Variants in BNIP2 observed in about 807,000 individuals in gnomAD.
The protein encoded by BNIP2 is BCL2/adenovirus E1B 19 kDa protein-interacting protein 2.
A neutral mutation model predicts 43.4 loss-of-function variants in BNIP2; 36 were observed. That is an observed-to-expected ratio of 0.83 (90% CI 0.64 to 1.10). The LOEUF (loss-of-function observed/expected upper bound fraction) is 1.10. Among genes scored for constraint, BNIP2 ranks in the 50% least tolerant of loss-of-function variants. BNIP2 has a pLI of 0.00. For missense variants in BNIP2, 417 were observed against 374.1 expected, an observed-to-expected ratio of 1.11 and a Z score of -0.95; for synonymous variants, 146 against 121.0, an observed-to-expected ratio of 1.21 and a Z score of -1.35.
At position 59,689,146 on chromosome 15, in the gene BNIP2, C is replaced by G; in HGVS notation, c.-69G>C. On this transcript the variant is annotated 5_prime_UTR_variant, in exon 1 of 10. Coordinates refer to ENST00000607373, the MANE Select transcript of BNIP2 (RefSeq NM_004330.4). ...CAGGCCGCACTCACCCCGGAGGAAG[C>G]CTTGGCCCCCTCGTCCTCTTCGCCC... 1 of 1,537,300 alleles carries G rather than the reference C, an allele frequency of 6.5e-7. No individual in the cohort carries two copies.
intron 5 of BNIP2, chr15:59,676,957 T>G (rs1480780311): frequency 6.2e-7 from 1 of 1,613,174 alleles, no homozygotes; most frequent in Non-Finnish European, 8.5e-7. Context: ...TCCTCTCTGC[T>G]GCCATCTTCA....
At position 59,679,434 on chromosome 15, in the gene BNIP2, A is replaced by C. The variant is rs117184257; in HGVS notation, c.295+158T>G. 5.0e-6 allele frequency: 4 copies of C among 792,416 alleles called. No homozygotes were observed. In the East Asian group the frequency reaches 1.2e-4, roughly 24 times the overall value. The allele number at this position is 792,416 out of a possible 1,614,324, so 49.1% of individuals were successfully genotyped here. On this transcript the variant is annotated intron_variant, in intron 4 of 9. Transcript: ENST00000607373. ...AAGAGGGGAAAAAAGCCACTGGTGT[A>C]CTCTATACACACTTTTTAAGTCCTT...
At chr15:59,673,721 G>A (rs909960920) in intron 5 of BNIP2, among the ~76,000 whole-genome samples, 1 of 152,186 alleles carries the variant, frequency 6.6e-6, no homozygotes, top group Non-Finnish European at 1.5e-5. Flanking sequence ...CATCGCCAGA[G>A]CCATAAGTGG....
Position 59,664,078 on chromosome 15 carries a change from A to AT in BNIP2, c.935dup (p.Asn312LysfsTer2). 6.5e-7 allele frequency: 1 copy of AT among 1,549,418 alleles called. No individual in the cohort carries two copies. The highest frequency in any genetic ancestry group is 8.7e-7 in the Non-Finnish European group (1 of 1,145,040). On this transcript the variant is annotated frameshift_variant, in exon 10 of 10. Transcript: ENST00000607373. LOFTEE classifies it high-confidence loss of function. The stretch of plus-strand genomic sequence containing the variant: ...GGACTAGATGCCAAACTTACTGTTC[A>AT]TTTTTCGGTTCATCTTGTTTTCCAT...
intron 1 of BNIP2, among the ~76,000 whole-genome samples, chr15:59,684,340 A>G (rs1367789252): frequency 6.6e-6 from 1 of 152,236 alleles, no homozygotes; most frequent in Non-Finnish European, 1.5e-5. Flanking sequence ...TTCTCTGGGA[A>G]AACAATGATC....
chr15:59,685,757 C>G (rs894580326), intron 1 of BNIP2, among the ~76,000 whole-genome samples: 3 of 152,114 alleles, frequency 2.0e-5, no homozygotes, highest in Non-Finnish European at 2.9e-5. Flanking sequence ...GGGAAAAGTA[C>G]ACTAGGTAGA....
chr15:59,685,182 T>C (rs371678354), intron 1 of BNIP2, among the ~76,000 whole-genome samples: 1 of 152,180 alleles, frequency 6.6e-6, no homozygotes, highest in East Asian at 1.9e-4. Context: ...GCTTAACCAA[T>C]GGAACAAGTT....
rs572341991 is a variant in BNIP2 at position 59,662,173 on chromosome 15, C to G, written c.*1896G>C. 34 of 152,178 alleles carry G rather than the reference C, an allele frequency of 2.2e-4. No homozygotes were observed. The highest frequency in any genetic ancestry group is 8.2e-4 in the African/African-American group (34 of 41,516). The allele number at this position is 152,178 out of a possible 1,614,324, so 9.4% of individuals were successfully genotyped here. A position where few individuals can be genotyped will look rare whatever the true frequency, so the allele number is the denominator to read the frequency against. ...AGTACTTAATGTGGTAGAAAACCAC[C>G]TATTAAAAACCTCAGCCCATTTTGA... On this transcript the variant is annotated 3_prime_UTR_variant, in exon 10 of 10. Transcript: ENST00000607373.
Position 59,664,128 on chromosome 15 carries a change from A to G in BNIP2, c.894-8T>C. ...TTAAGTTCTTGATCAACTCTGTTTA[A>G]TGAAGAATATATAAAATAAGAAACC... On this transcript the variant is annotated splice_polypyrimidine_tract_variant and splice_region_variant and intron_variant, in intron 9 of 9. Transcript: ENST00000607373. 1 of 1,506,074 alleles carries G rather than the reference A, an allele frequency of 6.6e-7. No homozygotes were observed. The highest frequency in any genetic ancestry group is 9.0e-7 in the Non-Finnish European group (1 of 1,115,320). The allele number at this position is 1,506,074 out of a possible 1,614,324, so 93.3% of individuals were successfully genotyped here. A position where few individuals can be genotyped will look rare whatever the true frequency, so the allele number is the denominator to read the frequency against.
chr15:59,670,038 G>C (rs1170236207), intron 7 of BNIP2, among the ~76,000 whole-genome samples: 3 of 152,200 alleles, frequency 2.0e-5, no homozygotes, highest in Non-Finnish European at 4.4e-5. Context: ...CCAATCGGAA[G>C]ATCACATTCC....
chr15:59,662,071 T>C lies in BNIP2; in HGVS notation c.*1998A>G, dbSNP rs1892306950. ...AACATGTATCTACAGTTAGGAGCAA[T>C]GACTGCAAAATCAAAAATCAAAATA... is the stretch of plus-strand genomic sequence containing the variant. On this transcript the variant is annotated 3_prime_UTR_variant, in exon 10 of 10. Coordinates refer to ENST00000607373, the MANE Select transcript of BNIP2 (RefSeq NM_004330.4). 6.6e-6 allele frequency: 1 copy of C among 152,200 alleles called. No individual in the cohort carries two copies. Among genetic ancestry groups the C allele is most frequent in the South Asian group, 2.1e-4 (1 of 4,832 alleles). The allele number at this position is 152,200 out of a possible 1,614,324, so 9.4% of individuals were successfully genotyped here.
At chr15:59,687,538 G>C (rs1894101502) in intron 1 of BNIP2, among the ~76,000 whole-genome samples, 1 of 151,972 alleles carries the variant, frequency 6.6e-6, no homozygotes, top group Non-Finnish European at 1.5e-5. Context: ...TTTTAGTAGA[G>C]ATGGGGTTTC....
At chr15:59,688,137 T>C (rs1360471312) in intron 1 of BNIP2, among the ~76,000 whole-genome samples, 3 of 152,202 alleles carry the variant, frequency 2.0e-5, no homozygotes, top group Non-Finnish European at 4.4e-5. Flanking sequence ...CTAGAGAATA[T>C]GAAGACTAGG....
At chr15:59,686,763 T>C (rs1352116510) in intron 1 of BNIP2, among the ~76,000 whole-genome samples, 1 of 152,116 alleles carries the variant, frequency 6.6e-6, no homozygotes, top group Non-Finnish European at 1.5e-5. Flanking sequence ...ACACCTGTAA[T>C]CCCAACACTT....
chr15:59,666,082 A>G (rs940860890), intron 9 of BNIP2, among the ~76,000 whole-genome samples: 3 of 101,944 alleles, frequency 2.9e-5, no homozygotes, highest in African/African-American at 7.0e-5. Flanking sequence ...AAACATTTTA[A>G]CAATCTGTAT....
At chr15:59,681,102 A>G (rs1404370927) in intron 2 of BNIP2, among the ~76,000 whole-genome samples, 3 of 152,230 alleles carry the variant, frequency 2.0e-5, no homozygotes, top group Non-Finnish European at 4.4e-5. Context: ...TTTACTCACG[A>G]GACTACAGTA....
rs149996211 is a variant in BNIP2, at chr15:59,664,915, T to G, written c.894-795A>C. ...ACCCATAATTATTCTCCAAAACTTATTGGTACACAGTTTGTGAATGCCTTA... is the reference window on the plus strand; with the variant it reads ...ACCCATAATTATTCTCCAAAACTTAGTGGTACACAGTTTGTGAATGCCTTA... On this transcript the variant is annotated intron_variant, in intron 9 of 9. Coordinates refer to ENST00000607373, the MANE Select transcript of BNIP2 (RefSeq NM_004330.4). Among the ~76,000 whole-genome samples the G allele has an allele frequency of 2.0e-5, 3 of 152,190 alleles. No individual in the cohort carries two copies. In the East Asian group the frequency reaches 5.8e-4, roughly 29 times the overall value.
At chr15:59,684,208 C>T (rs577626656) in intron 1 of BNIP2, among the ~76,000 whole-genome samples, 1 of 152,188 alleles carries the variant, frequency 6.6e-6, no homozygotes, top group African/African-American at 2.4e-5. Context: ...TAAACATTCC[C>T]AAAAGGTTTC....
rs148548445 is a variant in BNIP2, at chr15:59,677,971, G to C, written c.412C>G (p.Gln138Glu). ...GCCTTCATATCAACCCTGTGGTCCTGTTCTCCAATCCTGAACATACGCCAG... is the reference window on the plus strand; with the variant it reads ...GCCTTCATATCAACCCTGTGGTCCTCTTCTCCAATCCTGAACATACGCCAG... ...RRWRMFRIGEQDHRVDMKAIE... is the reference protein window; with the variant it reads ...RRWRMFRIGEEDHRVDMKAIE... The change falls in exon 5 of 10, where the codon CAG (glutamine) becomes GAG (glutamate). Residue 138 changes from glutamine (Q) to glutamate (E), a missense_variant. By Grantham distance (29) the Gln-to-Glu change is conservative. Coordinates refer to ENST00000607373, the MANE Select transcript of BNIP2 (RefSeq NM_004330.4). 12 of 1,613,714 alleles carry C rather than the reference G, an allele frequency of 7.4e-6. 1 individual carries two copies. The African/African-American group carries it at 1.5e-4, about 20-fold the overall frequency.
Sources: allele counts gnomAD v4.1 joint callset (sites outside exome capture counted in the v4.1 genomes callset), GRCh38; gene constraint gnomAD v4.1.1; transcripts MANE v1.5; gene names NCBI Gene and HGNC (gene_info 2026-07-23, HGNC 2026-07-21).